ASTN1: variants seen among roughly 807,000 people sequenced by gnomAD.
ASTN1 encodes the protein astrotactin-1.
Under a neutral mutation model 140.7 loss-of-function variants are expected in ASTN1, and 41 were observed. That is an observed-to-expected ratio of 0.29 (90% CI 0.23 to 0.38). The LOEUF (loss-of-function observed/expected upper bound fraction) is 0.38. ASTN1 is among the 10% of genes least tolerant of loss of function. The pLI, the probability that ASTN1 is intolerant of heterozygous loss-of-function variation, is 1.00. For missense variants in ASTN1, 1,479 were observed against 1,678.8 expected, an observed-to-expected ratio of 0.88 and a Z score of 2.08; for synonymous variants, 640 against 652.2, an observed-to-expected ratio of 0.98 and a Z score of 0.29.
At position 177,040,220 on chromosome 1, in the gene ASTN1, G is replaced by A. The variant is rs371567609; in HGVS notation, c.472-7371C>T. Among the ~76,000 whole-genome samples, 14 of 152,348 alleles carry A rather than the reference G, an allele frequency of 9.2e-5. No individual in the cohort carries two copies. The East Asian group carries it at 9.7e-4, about 11-fold the overall frequency. On this transcript the variant is annotated intron_variant, in intron 2 of 22. Coordinates refer to ENST00000361833, the MANE Select transcript of ASTN1 (RefSeq NM_004319.3). Reference sequence around the variant, plus strand: ...AGTTTGATTTATAAATTATTAGGAAGATTACCTCCTCTTGGGGGTTTTCTG... The same window carrying A: ...AGTTTGATTTATAAATTATTAGGAAAATTACCTCCTCTTGGGGGTTTTCTG...
At chr1:177,107,332 TATA>T (rs951072565) in intron 1 of ASTN1, among the ~76,000 whole-genome samples, 3 of 152,164 alleles carry the variant, frequency 2.0e-5, no homozygotes, top group African/African-American at 7.2e-5. Flanking sequence ...AAACAAGTAA[TATA>T]ATAACATAAA....
chr1:177,018,162 G>A (rs192865074), intron 7 of ASTN1, among the ~76,000 whole-genome samples: 20 of 152,238 alleles, frequency 1.3e-4, no homozygotes, highest in African/African-American at 4.8e-4. Flanking sequence ...CAAGTCCAGG[G>A]TCAAATAGCC....
intron 16 of ASTN1, 28 bp downstream of exon 16, chr1:176,934,124 G>A (rs1424596848): frequency 6.3e-7 from 1 of 1,587,124 alleles, no homozygotes; most frequent in South Asian, 1.1e-5. Flanking sequence ...CATGAGGTAT[G>A]GAATTTGCCA....
downstream of ASTN1, among the ~76,000 whole-genome samples, chr1:176,860,172 A>G (rs564846345): frequency 2.0e-5 from 3 of 152,218 alleles, no homozygotes; most frequent in Non-Finnish European, 4.4e-5. Context: ...CTTAGGCTTG[A>G]AAGTCACATA....
At chr1:177,155,420 T>C (rs891202802) in intron 1 of ASTN1, among the ~76,000 whole-genome samples, 2 of 150,342 alleles carry the variant, frequency 1.3e-5, no homozygotes, top group Non-Finnish European at 2.9e-5. Context: ...ATATGACAAA[T>C]ACTAACTATA....
At chr1:176,979,816 A>G (rs114256505) in intron 8 of ASTN1, among the ~76,000 whole-genome samples, 319 of 152,222 alleles carry the variant, frequency 2.1e-3, no homozygotes, top group African/African-American at 7.4e-3. Flanking sequence ...TGCTGTTTGT[A>G]TGTGTGTGTA....
In ASTN1 at chr1:177,149,208, G is replaced by GTA. The variant is rs1558130629; in HGVS notation, c.283+15184_283+15185dup. Among the ~76,000 whole-genome samples, 82 of 93,450 alleles carry GTA rather than the reference G, an allele frequency of 8.8e-4. 7 individuals are homozygous for GTA. The highest frequency in any genetic ancestry group is 4.5e-3 in the African/African-American group (80 of 17,690). 61.3% of individuals were successfully genotyped at this position (93,450 alleles called of 152,430 possible). ...TATATATATAGTAAATATATATAGT[G>GTA]TATATATAGTAAATATATATAGTAA... On this transcript the variant is annotated intron_variant, in intron 1 of 22. Transcript: ENST00000361833.
intron 1 of ASTN1, among the ~76,000 whole-genome samples, chr1:177,071,261 C>T (rs1464615970): frequency 6.6e-6 from 1 of 152,182 alleles, no homozygotes; most frequent in Non-Finnish European, 1.5e-5. Flanking sequence ...CCATTCTAGG[C>T]TGGCATGCAA....
At chr1:177,156,521 C>G (rs956895289) in intron 1 of ASTN1, among the ~76,000 whole-genome samples, 1 of 151,952 alleles carries the variant, frequency 6.6e-6, no homozygotes, top group Non-Finnish European at 1.5e-5. Context: ...TAAAGTAGTA[C>G]TGAATTAAAA....
rs1228980818 is a variant in ASTN1 at position 177,149,509 on chromosome 1, A to AATATATATAGT, written c.283+14874_283+14884dup. Reference sequence around the variant, plus strand: ...AAATATATATAGTATATATATAGTAAATATATATAGTATATATATAGTAAA... The same window carrying AATATATATAGT: ...AAATATATATAGTATATATATAGTAAATATATATAGTATATATATAGTATATATATAGTAAA... On this transcript the variant is annotated intron_variant, in intron 1 of 22. Coordinates refer to ENST00000361833, the MANE Select transcript of ASTN1 (RefSeq NM_004319.3). 4.4e-3 allele frequency among the ~76,000 whole-genome samples: 270 copies of AATATATATAGT among 60,794 alleles called. 14 individuals are homozygous for AATATATATAGT. In the Middle Eastern group the frequency reaches 0.056, roughly 13 times the overall value. The allele number at this position is 60,794 out of a possible 152,430, so 39.9% of individuals were successfully genotyped here.
At chr1:177,014,905 G>T in intron 7 of ASTN1, 30 bp from the exon 8 acceptor site, 1 of 1,565,264 alleles carries the variant, frequency 6.4e-7, no homozygotes, top group Non-Finnish European at 8.8e-7. Flanking sequence ...GGAAGAAAGA[G>T]AAACATGAAG....
At chr1:176,993,867 G>A (rs1431347372) in intron 8 of ASTN1, among the ~76,000 whole-genome samples, 1 of 151,930 alleles carries the variant, frequency 6.6e-6, no homozygotes, top group Admixed American at 6.6e-5. Flanking sequence ...TCTTATATTT[G>A]ACTCTCTTGT....
At chr1:177,132,989 C>A (rs1034921547) in intron 1 of ASTN1, among the ~76,000 whole-genome samples, 2 of 152,146 alleles carry the variant, frequency 1.3e-5, no homozygotes, top group Non-Finnish European at 2.9e-5. Context: ...AAAAAGAATT[C>A]TTTTTGGTTA....
At chr1:176,892,437 A>C (rs1222037686) in intron 17 of ASTN1, among the ~76,000 whole-genome samples, 1 of 152,192 alleles carries the variant, frequency 6.6e-6, no homozygotes, top group Non-Finnish European at 1.5e-5. Flanking sequence ...GTTGGGAATG[A>C]TGAGGAAATT....
Position 177,143,095 on chromosome 1 carries a change from G to T in ASTN1, c.283+21299C>A, listed in dbSNP as rs530068897. Among the ~76,000 whole-genome samples the T allele has an allele frequency of 1.1e-4, 16 of 152,262 alleles. No homozygotes were observed. The South Asian group carries it at 3.3e-3, about 32-fold the overall frequency. On this transcript the variant is annotated intron_variant, in intron 1 of 22. Coordinates refer to ENST00000361833, the MANE Select transcript of ASTN1 (RefSeq NM_004319.3). ...AACCCCTAAAGAGCTACCTTGCTCC[G>T]GAGTTCTTAGCAATCATCTCTGCAC...
At position 176,861,864 on chromosome 1, in the gene ASTN1, G is replaced by A; in HGVS notation, c.*2420C>T. The A allele has an allele frequency of 6.1e-6, 6 of 985,134 alleles. No homozygotes were observed. The highest frequency in any genetic ancestry group is 7.2e-6 in the Non-Finnish European group (6 of 829,746). 61.0% of individuals were successfully genotyped at this position (985,134 alleles called of 1,614,324 possible). A position where few individuals can be genotyped will look rare whatever the true frequency, so the allele number is the denominator to read the frequency against. On this transcript the variant is annotated 3_prime_UTR_variant, in exon 23 of 23. Transcript: ENST00000361833. Reference sequence around the variant, plus strand: ...AGACTGAGGGAAAGATAGGAGAGAGGAAGATAGTGTGCCTAAAATAAAAAC... The same window carrying A: ...AGACTGAGGGAAAGATAGGAGAGAGAAAGATAGTGTGCCTAAAATAAAAAC...
At chr1:177,149,146 TGC>T (rs1491279069) in intron 1 of ASTN1, among the ~76,000 whole-genome samples, 2,069 of 107,724 alleles carry the variant, frequency 0.019, 115 homozygotes, top group African/African-American at 0.066. Context: ...ATATATATAG[TGC>T]ATATATATAG....
chr1:177,005,166 A>G (rs533490278), intron 8 of ASTN1, among the ~76,000 whole-genome samples: 8 of 152,212 alleles, frequency 5.3e-5, no homozygotes, highest in Non-Finnish European at 1.0e-4. Context: ...ATTAAAAAAT[A>G]GGCAAAGGAC....
intron 17 of ASTN1, among the ~76,000 whole-genome samples, chr1:176,891,522 G>A (rs754273998): frequency 2.0e-4 from 30 of 152,294 alleles, no homozygotes; most frequent in Non-Finnish European, 3.2e-4. Context: ...AGCCGGGCAC[G>A]GTGGCTCATG....
Sources: gnomAD v4.1 joint callset for allele counts (sites outside exome capture counted in the v4.1 genomes callset) on GRCh38, gnomAD v4.1.1 for gene constraint, MANE v1.5 for transcripts, NCBI Gene and HGNC (gene_info 2026-07-23, HGNC 2026-07-21) for gene names.